Variants in DLG2 observed in about 807,000 individuals in gnomAD.
DLG2 encodes the protein discs large MAGUK scaffold protein 2, also known as disks large homolog 2.
DLG2 carries 45 observed loss-of-function variants against 132.5 expected under a neutral mutation model. The ratio of observed to expected loss-of-function variants is 0.34; its 90% CI spans 0.27 to 0.44. The LOEUF (loss-of-function observed/expected upper bound fraction) is 0.44. DLG2 is among the 20% of genes least tolerant of loss of function. DLG2 has a pLI of 1.00. For missense variants in DLG2, 1,045 were observed against 1,196.9 expected (o/e 0.87, Z 1.87); for synonymous variants, 424 against 419.6 (o/e 1.01, Z -0.13).
At chr11:85,482,359 G>A (rs1301372447) in intron 3 of DLG2, among the ~76,000 whole-genome samples, 2 of 152,168 alleles carry the variant, frequency 1.3e-5, no homozygotes, top group Admixed American at 6.5e-5. Flanking sequence ...CAAGACCTAA[G>A]CTCCAGGCCT....
chr11:83,818,423 T>C (rs1020492217), intron 17 of DLG2, among the ~76,000 whole-genome samples: 10 of 152,184 alleles, frequency 6.6e-5, no homozygotes, highest in African/African-American at 2.4e-4. Context: ...TTGCCTTTTC[T>C]ATGGAACTCC....
At chr11:83,971,249 C>T (rs1018338003) in intron 12 of DLG2, among the ~76,000 whole-genome samples, 4 of 151,890 alleles carry the variant, frequency 2.6e-5, no homozygotes, top group Non-Finnish European at 5.9e-5. Flanking sequence ...ACCACACAGA[C>T]GGGGACATAT....
chr11:84,144,299 A>T (rs1240618757), intron 9 of DLG2, among the ~76,000 whole-genome samples: 1 of 152,118 alleles, frequency 6.6e-6, no homozygotes, highest in Non-Finnish European at 1.5e-5. Context: ...CTATTCTGCC[A>T]TCTAAAATGC....
At chr11:84,737,292 G>T (rs1283201250) in intron 6 of DLG2, among the ~76,000 whole-genome samples, 1 of 151,822 alleles carries the variant, frequency 6.6e-6, no homozygotes, top group East Asian at 1.9e-4. Context: ...TTCATGAGGG[G>T]TATTAGTCTG....
chr11:84,568,195 T>G (rs552748084), intron 6 of DLG2, among the ~76,000 whole-genome samples: 1 of 152,188 alleles, frequency 6.6e-6, no homozygotes, highest in South Asian at 2.1e-4. Flanking sequence ...TGTGTTCCTG[T>G]GACACCAGAT....
At chr11:84,789,579 G>A (rs188567304) in intron 6 of DLG2, among the ~76,000 whole-genome samples, 2 of 151,964 alleles carry the variant, frequency 1.3e-5, no homozygotes, top group African/African-American at 4.8e-5. Context: ...ATACTTTTTA[G>A]TTATTTTTAA....
intron 7 of DLG2, among the ~76,000 whole-genome samples, chr11:84,373,485 G>A (rs1368094776): frequency 2.0e-5 from 3 of 151,830 alleles, no homozygotes; most frequent in East Asian, 1.9e-4. Context: ...CAGGAGAATC[G>A]CTTGAACCTG....
intron 11 of DLG2, among the ~76,000 whole-genome samples, chr11:84,012,714 G>T (rs2094954004): frequency 6.6e-6 from 1 of 152,082 alleles, no homozygotes; most frequent in Non-Finnish European, 1.5e-5. Flanking sequence ...AGGAAAGCAG[G>T]ATCAGTCAGA....
chr11:84,229,665 C>T (rs180783586), intron 8 of DLG2, among the ~76,000 whole-genome samples: 2 of 152,334 alleles, frequency 1.3e-5, no homozygotes, highest in East Asian at 3.9e-4. Context: ...GAAGACCCCT[C>T]TCTCAAGTAG....
At chr11:83,586,437 C>T (rs890726848) in intron 19 of DLG2, among the ~76,000 whole-genome samples, 17 of 152,236 alleles carry the variant, frequency 1.1e-4, no homozygotes, top group African/African-American at 4.1e-4. Flanking sequence ...TGTGCCTCAG[C>T]TTTCACTTCT....
intron 3 of DLG2, among the ~76,000 whole-genome samples, chr11:85,541,318 T>C (rs1208523033): frequency 6.6e-6 from 1 of 152,058 alleles, no homozygotes; most frequent in Non-Finnish European, 1.5e-5. Flanking sequence ...ATTTATATAC[T>C]AGGTCATTTC....
intron 18 of DLG2, among the ~76,000 whole-genome samples, chr11:83,743,612 T>G (rs2092702645): frequency 1.3e-5 from 2 of 151,878 alleles, no homozygotes; most frequent in South Asian, 4.1e-4. Flanking sequence ...TTTTGCATTT[T>G]CTGTAGAGAT....
rs1413458616 is a variant in DLG2 at position 83,618,054 on chromosome 11, T to C, written c.1940+15157A>G. Among the ~76,000 whole-genome samples the C allele has an allele frequency of 2.0e-5, 3 of 152,192 alleles. No individual in the cohort carries two copies. The East Asian group carries it at 5.8e-4, about 29-fold the overall frequency. ...TTTAGGAAGCCCATTATTTTTCACG[T>C]TTTCTAAGAACTTTTGTTCACAGAT... On this transcript the variant is annotated intron_variant, in intron 19 of 27. Coordinates refer to ENST00000376104, the MANE Select transcript of DLG2 (RefSeq NM_001142699.3).
intron 6 of DLG2, among the ~76,000 whole-genome samples, chr11:84,597,360 G>A (rs1436135242): frequency 6.6e-6 from 1 of 152,192 alleles, no homozygotes; most frequent in Non-Finnish European, 1.5e-5. Context: ...TCCTCCTTAT[G>A]ACCACTATTA....
chr11:85,115,031 G>A (rs1318113367), intron 5 of DLG2, among the ~76,000 whole-genome samples: 2 of 151,850 alleles, frequency 1.3e-5, no homozygotes, highest in Non-Finnish European at 2.9e-5. Flanking sequence ...AGAGCTGAAA[G>A]GTTCTGTTGT....
rs371247044 is a variant in DLG2, at chr11:84,075,563, A to G, written c.750-16079T>C. Reference sequence around the variant, plus strand: ...TTGAATTCTGATAGCTCTAGCTTGAAGAACTTCTTAAATTTATACCTATAA... The same window carrying G: ...TTGAATTCTGATAGCTCTAGCTTGAGGAACTTCTTAAATTTATACCTATAA... On this transcript the variant is annotated intron_variant, in intron 10 of 27. Coordinates refer to ENST00000376104, the MANE Select transcript of DLG2 (RefSeq NM_001142699.3). Among the ~76,000 whole-genome samples the G allele has an allele frequency of 1.4e-4, 21 of 152,338 alleles. No individual in the cohort carries two copies. In the East Asian group the frequency reaches 3.5e-3, roughly 25 times the overall value.
At chr11:84,145,751 G>C (rs570343144) in intron 9 of DLG2, among the ~76,000 whole-genome samples, 1 of 152,266 alleles carries the variant, frequency 6.6e-6, no homozygotes, top group East Asian at 1.9e-4. Flanking sequence ...CGAGAGAAAG[G>C]AGATAACTCA....
intron 6 of DLG2, among the ~76,000 whole-genome samples, chr11:85,046,090 C>G (rs1216850220): frequency 1.3e-5 from 2 of 152,076 alleles, no homozygotes; most frequent in Non-Finnish European, 2.9e-5. Context: ...ATATTATTAG[C>G]TCCCATAAAC....
intron 4 of DLG2, among the ~76,000 whole-genome samples, chr11:85,255,527 T>C (rs961022915): frequency 2.6e-5 from 4 of 152,228 alleles, no homozygotes; most frequent in African/African-American, 9.6e-5. Context: ...GAGTTATTAT[T>C]CATTTAGAGG....
Sources: allele counts gnomAD v4.1 joint callset (sites outside exome capture counted in the v4.1 genomes callset), GRCh38; gene constraint gnomAD v4.1.1; transcripts MANE v1.5; gene names NCBI Gene and HGNC (gene_info 2026-07-23, HGNC 2026-07-21).